Variants in HIVEP3 observed in about 807,000 individuals in gnomAD.
HIVEP3 encodes the protein HIVEP zinc finger 3.
A neutral mutation model predicts 152.8 loss-of-function variants in HIVEP3; 49 were observed. The observed-to-expected ratio is 0.32, with a 90% confidence interval of 0.26 to 0.41. The LOEUF (loss-of-function observed/expected upper bound fraction) is 0.41, where lower values mean the gene tolerates loss of function less well. Ranked by LOEUF, HIVEP3 falls within the 10% of genes least tolerant of loss-of-function variation. The pLI is 1.00. For synonymous variants in HIVEP3, 1,269 were observed against 1,289.0 expected (o/e 0.98, Z 0.33); for missense variants, 2,790 against 3,103.3 (o/e 0.90, Z 2.40).
In HIVEP3 at chr1:41,658,804, A is replaced by G. The variant is rs182768343; in HGVS notation, c.-720-29857T>C. On this transcript the variant is annotated intron_variant, in intron 2 of 8. Coordinates refer to ENST00000372583, the MANE Select transcript of HIVEP3 (RefSeq NM_024503.5). ...AGGAACCGCACAGATGTATGACATCATGGTTATTAATAATGGAAGCAGCAC... is the reference window on the plus strand; with the variant it reads ...AGGAACCGCACAGATGTATGACATCGTGGTTATTAATAATGGAAGCAGCAC... Among the ~76,000 whole-genome samples the G allele has an allele frequency of 1.2e-4, 18 of 152,374 alleles. No individual in the cohort carries two copies. In the East Asian group the frequency reaches 3.5e-3, roughly 29 times the overall value.
chr1:41,864,877 G>A (rs1021737167), intron 1 of HIVEP3, among the ~76,000 whole-genome samples: 1 of 152,212 alleles, frequency 6.6e-6, no homozygotes, highest in Non-Finnish European at 1.5e-5. Flanking sequence ...TCTCACCCTT[G>A]ACCCAGCCCA....
intron 1 of HIVEP3, among the ~76,000 whole-genome samples, chr1:41,712,606 A>G (rs1432920264): frequency 6.6e-6 from 1 of 152,218 alleles, no homozygotes. Context: ...AGGACAATAA[A>G]GGCTCTGCCC....
At chr1:41,799,795 C>A (rs1650197943) in intron 1 of HIVEP3, among the ~76,000 whole-genome samples, 1 of 152,098 alleles carries the variant, frequency 6.6e-6, no homozygotes, top group Non-Finnish European at 1.5e-5. Flanking sequence ...ATGGCACCCC[C>A]CCTTCCCCCC....
At chr1:42,026,916 T>G (rs918291049) in intron 1 of HIVEP3, among the ~76,000 whole-genome samples, 1 of 152,240 alleles carries the variant, frequency 6.6e-6, no homozygotes, top group Non-Finnish European at 1.5e-5. Context: ...CAAGATCTAC[T>G]ATCTCTGGGC....
At chr1:41,610,877 G>A (rs1644887193) in intron 3 of HIVEP3, among the ~76,000 whole-genome samples, 1 of 152,170 alleles carries the variant, frequency 6.6e-6, no homozygotes, top group Non-Finnish European at 1.5e-5. Flanking sequence ...ATCATCCTCA[G>A]CCTTCTTAAA....
intron 1 of HIVEP3, among the ~76,000 whole-genome samples, chr1:41,722,677 T>C (rs1646695699): frequency 6.6e-6 from 1 of 152,024 alleles, no homozygotes; most frequent in African/African-American, 2.4e-5. Context: ...ACTCACAGTC[T>C]AGTCAAGGAG....
chr1:41,520,536 T>A (rs1569699555), intron 6 of HIVEP3, among the ~76,000 whole-genome samples: 1 of 151,810 alleles, frequency 6.6e-6, no homozygotes, highest in African/African-American at 2.4e-5. Flanking sequence ...GCAGCTGGGG[T>A]CTTCCGCGGA....
intron 1 of HIVEP3, among the ~76,000 whole-genome samples, chr1:41,725,751 G>T (rs1570404783): frequency 6.6e-6 from 1 of 152,286 alleles, no homozygotes; most frequent in Middle Eastern, 3.4e-3. Flanking sequence ...TGGAAAACAG[G>T]TGTATTGTCC....
intron 7 of HIVEP3, among the ~76,000 whole-genome samples, chr1:41,518,128 C>G (rs533222508): frequency 6.6e-6 from 1 of 152,212 alleles, no homozygotes; most frequent in Non-Finnish European, 1.5e-5. Context: ...GGGTGCCAGG[C>G]GCTCCACCTG....
At position 41,930,615 on chromosome 1, in the gene HIVEP3, C is replaced by T. The variant is rs61775781; in HGVS notation, n.120-12091G>A. On this transcript the variant is annotated intron_variant and non_coding_transcript_variant, in intron 1 of 3. Transcript: ENST00000489103. The stretch of plus-strand genomic sequence containing the variant: ...CTAAGTGAACACAAAATTTCAATAA[C>T]TTGAGTAAATACCAAGGAGTGGGAT... 9.1e-3 allele frequency among the ~76,000 whole-genome samples: 1,378 copies of T among 152,212 alleles called. 7 individuals are homozygous for T. The highest frequency in any genetic ancestry group is 0.015 in the Non-Finnish European group (1,024 of 68,004).
intron 1 of HIVEP3, among the ~76,000 whole-genome samples, chr1:42,017,438 C>T (rs976028069): frequency 6.6e-6 from 1 of 152,152 alleles, no homozygotes; most frequent in African/African-American, 2.4e-5. Flanking sequence ...ATATGACTCA[C>T]ACCCTAAAAG....
At chr1:41,905,282 G>A (rs1644692447) in intron 1 of HIVEP3, among the ~76,000 whole-genome samples, 1 of 152,138 alleles carries the variant, frequency 6.6e-6, no homozygotes, top group Admixed American at 6.5e-5. Context: ...GCCAGCATCT[G>A]AGCTGGAAGA....
chr1:41,521,051 G>A (rs957083251), intron 6 of HIVEP3, among the ~76,000 whole-genome samples: 11 of 152,246 alleles, frequency 7.2e-5, no homozygotes, highest in Non-Finnish European at 1.6e-4. Context: ...ATGGAACCTG[G>A]CAGCCTTGGG....
intron 1 of HIVEP3, among the ~76,000 whole-genome samples, chr1:41,944,851 C>T (rs1645066203): frequency 6.6e-6 from 1 of 152,106 alleles, no homozygotes; most frequent in Non-Finnish European, 1.5e-5. Flanking sequence ...AGATGGGAAA[C>T]ATTCCCCCCA....
chr1:41,768,168 G>A (rs1045332636), intron 1 of HIVEP3, among the ~76,000 whole-genome samples: 3 of 152,180 alleles, frequency 2.0e-5, no homozygotes, highest in African/African-American at 4.8e-5. Context: ...AAGAAAAAGA[G>A]GTTTAATGGA....
chr1:41,959,715 A>T (rs1419254436), intron 1 of HIVEP3, among the ~76,000 whole-genome samples: 1 of 152,074 alleles, frequency 6.6e-6, no homozygotes, highest in Non-Finnish European at 1.5e-5. Context: ...AGCAGGAGTG[A>T]CCCCACTCTT....
chr1:41,929,724 T>TATATATATATATA (rs1644986317), intron 1 of HIVEP3, among the ~76,000 whole-genome samples: 1 of 30,546 alleles, frequency 3.3e-5, no homozygotes, highest in Admixed American at 4.0e-4. Flanking sequence ...GTATATGTGT[T>TATATATATATATA]TTTATATATA....
intron 2 of HIVEP3, among the ~76,000 whole-genome samples, chr1:41,695,294 C>A (rs1347941080): frequency 6.6e-6 from 1 of 152,168 alleles, no homozygotes; most frequent in East Asian, 1.9e-4. Flanking sequence ...GGGGTTGTGG[C>A]TTTTAGACAG....
chr1:41,565,665 G>T (rs113240326), intron 5 of HIVEP3, among the ~76,000 whole-genome samples: 2,268 of 152,220 alleles, frequency 0.015, 57 homozygotes, highest in African/African-American at 0.05. Flanking sequence ...AGCCCAGCCT[G>T]ATTCCCCAGG....
Sources: gnomAD v4.1 joint callset for allele counts (sites outside exome capture counted in the v4.1 genomes callset) on GRCh38, gnomAD v4.1.1 for gene constraint, MANE v1.5 for transcripts, NCBI Gene and HGNC (gene_info 2026-07-23, HGNC 2026-07-21) for gene names.